Variants in RAD50 observed in about 807,000 individuals in gnomAD.
RAD50 encodes the protein DNA repair protein RAD50.
Under a neutral mutation model 168.8 loss-of-function variants are expected in RAD50, and 132 were observed. The ratio of observed to expected loss-of-function variants is 0.78; its 90% confidence interval spans 0.68 to 0.90. The LOEUF (loss-of-function observed/expected upper bound fraction) is 0.90, where lower values mean the gene tolerates loss of function less well. Ranked by LOEUF, RAD50 falls within the 40% of genes least tolerant of loss-of-function variation. RAD50 has a pLI of 0.00. For missense variants in RAD50, 1,347 were observed against 1,534.4 expected (o/e 0.88, Z 2.04); for synonymous variants, 525 against 497.4 (o/e 1.06, Z -0.74).
In RAD50 at chr5:132,558,510, A is replaced by T. The variant is rs183474037; in HGVS notation, c.130-774A>T. On this transcript the variant is annotated intron_variant, in intron 1 of 24. Coordinates refer to ENST00000378823, the MANE Select transcript of RAD50 (RefSeq NM_005732.4). The stretch of plus-strand genomic sequence containing the variant: ...TGGATCACCTGAGGTCAGGAGTTCG[A>T]GACCAGCCTGGCCAACGTGGCGAAA... 1.1e-4 allele frequency among the ~76,000 whole-genome samples: 16 copies of T among 152,218 alleles called. No individual in the cohort carries two copies. The East Asian group carries it at 2.9e-3, about 28-fold the overall frequency.
At chr5:132,564,216 C>T (rs948002968) in intron 2 of RAD50, among the ~76,000 whole-genome samples, 2 of 152,040 alleles carry the variant, frequency 1.3e-5, no homozygotes, top group East Asian at 3.9e-4. Context: ...CAAAAGAAGA[C>T]AGGAAGATGA....
At chr5:132,605,154 C>T (rs1010122057) in intron 16 of RAD50, among the ~76,000 whole-genome samples, 155 bp downstream of exon 16, 3 of 152,240 alleles carry the variant, frequency 2.0e-5, no homozygotes, top group Non-Finnish European at 4.4e-5. Context: ...AAGTGATTCT[C>T]TTGCCTCAGC....
rs1176850663 is a variant in RAD50 at position 132,557,001 on chromosome 5, C to G, written c.-324C>G. ...CACGTGATCCGCAGGGCGGCCGAGG[C>G]AGGAAGCTGTGAGTGCGCGGTTGCG... On this transcript the variant is annotated 5_prime_UTR_variant, in exon 1 of 25. Coordinates refer to ENST00000378823, the MANE Select transcript of RAD50 (RefSeq NM_005732.4). 1.2e-6 allele frequency: 1 copy of G among 806,366 alleles called. No individual in the cohort carries two copies. Among genetic ancestry groups the G allele is most frequent in the African/African-American group, 1.7e-5 (1 of 57,812 alleles). The allele number at this position is 806,366 out of a possible 1,614,324, so 50.0% of individuals were successfully genotyped here.
At position 132,579,883 on chromosome 5, in the gene RAD50, A is replaced by C. The variant is rs1196680803; in HGVS notation, c.573A>C (p.Thr191=). The C allele has an allele frequency of 1.2e-6, 2 of 1,612,562 alleles. No individual in the cohort carries two copies. The highest frequency in any genetic ancestry group is 2.2e-5 in the East Asian group (1 of 44,818). ...AAAGATACATTAAAGCCTTAGAAAC[A>C]CTTCGGCAGGTACGTCAGACACAAG... ...SATRYIKALE[T]LRQVRQTQGQ... The change falls in exon 5 of 25, where the codon ACA becomes ACC. Residue 191 remains threonine (T), a synonymous_variant. Transcript: ENST00000378823.
chr5:132,620,390 C>T (rs1230647333), intron 21 of RAD50, among the ~76,000 whole-genome samples: 1 of 152,122 alleles, frequency 6.6e-6, no homozygotes, highest in East Asian at 1.9e-4. Flanking sequence ...CCCTATGTGC[C>T]TGGGTTGGCC....
chr5:132,573,901 A>G (rs1387105637), intron 2 of RAD50, among the ~76,000 whole-genome samples: 1 of 152,220 alleles, frequency 6.6e-6, no homozygotes, highest in Non-Finnish European at 1.5e-5. Context: ...GGTCACTCTG[A>G]TGCAAGAGGT....
rs774557401 is a variant in RAD50, at chr5:132,579,304, T to C, written c.366-13T>C. The C allele has an allele frequency of 5.0e-6, 8 of 1,611,806 alleles. No homozygotes were observed. In the African/African-American group the frequency reaches 9.3e-5, roughly 19 times the overall value. On this transcript the variant is annotated splice_polypyrimidine_tract_variant and intron_variant, in intron 3 of 24. Coordinates refer to ENST00000378823, the MANE Select transcript of RAD50 (RefSeq NM_005732.4). The stretch of plus-strand genomic sequence containing the variant: ...GTTATTTTACATATATTCTTGATTT[T>C]CATTTTCTGTAGGCATGGTGAAAAG...
intron 2 of RAD50, among the ~76,000 whole-genome samples, chr5:132,570,848 C>G (rs1750290499): frequency 6.6e-6 from 1 of 152,218 alleles, no homozygotes; most frequent in Non-Finnish European, 1.5e-5. Context: ...AACTTTCAAC[C>G]TGTTTTGGAT....
At chr5:132,559,725 A>T (rs1442439138) in intron 2 of RAD50, among the ~76,000 whole-genome samples, 1 of 152,244 alleles carries the variant, frequency 6.6e-6, no homozygotes, top group South Asian at 2.1e-4. Flanking sequence ...AAGTGCATGA[A>T]CACTTTAGTA....
chr5:132,575,868 G>A lies in RAD50; in HGVS notation c.305G>A (p.Cys102Tyr), dbSNP rs573712823. ...ELIAVQRSMVCTQKSKKTEFK... is the reference protein window; with the variant it reads ...ELIAVQRSMVYTQKSKKTEFK... ...ATAGCTGTGCAAAGATCTATGGTGT[G>A]TACTCAGAAAAGCAAAAAGACAGAA... Residue 102 changes from cysteine (C) to tyrosine (Y), a missense_variant, in exon 3 of 25, where the codon TGT becomes TAT. Physicochemically the swap from Cys to Tyr is radical, Grantham distance 194 (BLOSUM62 -2). Transcript: ENST00000378823. The A allele has an allele frequency of 1.9e-5, 31 of 1,609,404 alleles. No individual in the cohort carries two copies. The South Asian group carries it at 3.1e-4, about 16-fold the overall frequency.
intron 2 of RAD50, among the ~76,000 whole-genome samples, chr5:132,574,087 C>A (rs1561633714): frequency 6.6e-6 from 1 of 152,238 alleles, no homozygotes; most frequent in African/African-American, 2.4e-5. Context: ...TGGCTGTCTT[C>A]TCACAGCTCC....
chr5:132,585,851 C>T (rs941002503), intron 5 of RAD50, among the ~76,000 whole-genome samples: 41 of 152,100 alleles, frequency 2.7e-4, no homozygotes, highest in African/African-American at 9.4e-4. Flanking sequence ...GCCTCAGTCT[C>T]CCAAAGTGCT....
chr5:132,619,788 C>T (rs1751242814), intron 21 of RAD50, among the ~76,000 whole-genome samples: 1 of 137,152 alleles, frequency 7.3e-6, no homozygotes, highest in African/African-American at 3.1e-5. Flanking sequence ...CTACTCCTCT[C>T]TCTCTCTCTC....
At chr5:132,602,200 T>G (rs1341645411) in intron 13 of RAD50, among the ~76,000 whole-genome samples, 1 of 152,200 alleles carries the variant, frequency 6.6e-6, no homozygotes, top group East Asian at 1.9e-4. Context: ...CATTTCTTGG[T>G]CATAGTTTGC....
chr5:132,557,138 A>AT lies in RAD50; in HGVS notation c.-186dup. On this transcript the variant is annotated 5_prime_UTR_variant, in exon 1 of 25. Transcript: ENST00000378823. ...CAGCTGGTGTGGGAGGAAAGGCTCC[A>AT]TCCCCCGCCCCCTCTCTCCCGCTGT... 1.2e-6 allele frequency: 1 copy of AT among 817,962 alleles called. No homozygotes were observed. 50.7% of individuals were successfully genotyped at this position (817,962 alleles called of 1,614,324 possible). A position where few individuals can be genotyped will look rare whatever the true frequency, so the allele number is the denominator to read the frequency against.
At chr5:132,598,938 G>A (rs1303468418) in intron 13 of RAD50, among the ~76,000 whole-genome samples, 1 of 152,158 alleles carries the variant, frequency 6.6e-6, no homozygotes, top group East Asian at 1.9e-4. Flanking sequence ...GAAGAGTGTC[G>A]AAGTACTTGT....
Position 132,588,147 on chromosome 5 carries a change from A to T in RAD50, c.1051+58A>T, listed in dbSNP as rs77502957. 3.3e-3 allele frequency: 5,034 copies of T among 1,539,276 alleles called. 201 individuals are homozygous for T. In the East Asian group the frequency reaches 0.089, roughly 27 times the overall value. On this transcript the variant is annotated intron_variant, in intron 7 of 24. Coordinates refer to ENST00000378823, the MANE Select transcript of RAD50 (RefSeq NM_005732.4). ...TACTATGATGTTATACATTTTCTGTATGAATGAAGAATCTCCAAGGACTTA... is the reference window on the plus strand; with the variant it reads ...TACTATGATGTTATACATTTTCTGTTTGAATGAAGAATCTCCAAGGACTTA...
Position 132,643,842 on chromosome 5 carries a change from A to C in RAD50, c.*1478A>C, listed in dbSNP as rs1751794424. 1 of 231,814 alleles carries C rather than the reference A, an allele frequency of 4.3e-6. No homozygotes were observed. Among genetic ancestry groups the C allele is most frequent in the South Asian group, 1.8e-4 (1 of 5,524 alleles). The allele number at this position is 231,814 out of a possible 1,614,324, so 14.4% of individuals were successfully genotyped here. A position where few individuals can be genotyped will look rare whatever the true frequency, so the allele number is the denominator to read the frequency against. ...ATCCCAAGAATGCAAGATTTCAGAA[A>C]ATGAAAAATCTGTTGATAAATCCAT... On this transcript the variant is annotated 3_prime_UTR_variant, in exon 25 of 25. Transcript: ENST00000378823.
At chr5:132,635,010 G>A (rs1324396557) in intron 21 of RAD50, among the ~76,000 whole-genome samples, 2 of 152,008 alleles carry the variant, frequency 1.3e-5, no homozygotes, top group East Asian at 1.9e-4. Flanking sequence ...TCTCCTTGCT[G>A]TGTCATACCT....
Sources: gnomAD v4.1 joint callset for allele counts (sites outside exome capture counted in the v4.1 genomes callset) on GRCh38, gnomAD v4.1.1 for gene constraint, MANE v1.5 for transcripts, NCBI Gene and HGNC (gene_info 2026-07-23, HGNC 2026-07-21) for gene names.